The following FA2H variants were observed in gnomAD, a reference collection of about 807,000 sequenced individuals.
FA2H encodes fatty acid alpha-hydroxylase.
Under a neutral mutation model 44.9 loss-of-function variants are expected in FA2H, and 22 were observed. The observed-to-expected ratio is 0.49, with a 90% CI of 0.35 to 0.70. FA2H has a LOEUF of 0.70. FA2H is among the 30% of genes least tolerant of loss of function. The pLI, the probability that FA2H is intolerant of heterozygous loss-of-function variation, is 0.01. For synonymous variants in FA2H, 243 were observed against 213.2 expected (o/e 1.14, Z -1.22); for missense variants, 501 against 504.9 (o/e 0.99, Z 0.07).
intron 1 of FA2H, among the ~76,000 whole-genome samples, chr16:74,766,555 G>T (rs1228619595): frequency 6.6e-6 from 1 of 152,072 alleles, no homozygotes; most frequent in Non-Finnish European, 1.5e-5. Context: ...AGGAAGACCT[G>T]CCCAAGAGAC....
chr16:74,761,191 C>A (rs1167390264), intron 1 of FA2H, among the ~76,000 whole-genome samples: 11 of 152,162 alleles, frequency 7.2e-5, no homozygotes, highest in Admixed American at 7.2e-4. Flanking sequence ...GTGGTTCATG[C>A]CTGTAATCCC....
At chr16:74,742,820 C>G (rs1184193038) in intron 1 of FA2H, among the ~76,000 whole-genome samples, 1 of 152,062 alleles carries the variant, frequency 6.6e-6, no homozygotes, top group Non-Finnish European at 1.5e-5. Flanking sequence ...GCCTGGGCCA[C>G]AGAGTAAGAC....
chr16:74,765,044 C>T (rs776719648), intron 1 of FA2H, among the ~76,000 whole-genome samples: 17 of 152,110 alleles, frequency 1.1e-4, no homozygotes, highest in African/African-American at 3.6e-4. Flanking sequence ...TAACTCTCTC[C>T]GGCTGCAAAG....
At chr16:74,746,206 G>C (rs1567644832) in intron 1 of FA2H, among the ~76,000 whole-genome samples, 1 of 152,042 alleles carries the variant, frequency 6.6e-6, no homozygotes, top group Non-Finnish European at 1.5e-5. Context: ...TTAGGTCCAA[G>C]TCATAGGAGG....
At chr16:74,766,846 C>T (rs1049581365) in intron 1 of FA2H, among the ~76,000 whole-genome samples, 1 of 152,066 alleles carries the variant, frequency 6.6e-6, no homozygotes, top group African/African-American at 2.4e-5. Flanking sequence ...TGCATGATGC[C>T]CATATAAACA....
At chr16:74,730,089 C>T (rs1412012653) in intron 2 of FA2H, among the ~76,000 whole-genome samples, 2 of 152,188 alleles carry the variant, frequency 1.3e-5, no homozygotes, top group Admixed American at 6.5e-5. Context: ...AGCGGGTCTT[C>T]CAGGAACTAG....
rs777043040 is a variant in FA2H at position 74,774,642 on chromosome 16, G to A, written c.114C>T (p.Ser38=). 4 of 1,490,458 alleles carry A rather than the reference G, an allele frequency of 2.7e-6. No homozygotes were observed. In the South Asian group the frequency reaches 3.8e-5, roughly 14 times the overall value. The allele number at this position is 1,490,458 out of a possible 1,614,324, so 92.3% of individuals were successfully genotyped here. ...RRGARLYDLS[S]FVRHHPGGEQ... Reference sequence around the variant, plus strand: ...CGCCCCCCGGGTGGTGCCGCACGAAGCTGGAGAGGTCGTAGAGGCGGGCCC... The same window carrying A: ...CGCCCCCCGGGTGGTGCCGCACGAAACTGGAGAGGTCGTAGAGGCGGGCCC... The change falls in exon 1 of 7, where the codon AGC becomes AGT. Residue 38 remains serine (S), a synonymous_variant. Coordinates refer to ENST00000219368, the MANE Select transcript of FA2H (RefSeq NM_024306.5).
intron 1 of FA2H, among the ~76,000 whole-genome samples, chr16:74,768,045 A>T (rs1962840551): frequency 6.6e-6 from 1 of 152,222 alleles, no homozygotes; most frequent in Non-Finnish European, 1.5e-5. Context: ...TGGGATGCTT[A>T]TCACCTGTCT....
chr16:74,731,345 G>A (rs1427613654), intron 2 of FA2H, among the ~76,000 whole-genome samples: 1 of 143,262 alleles, frequency 7.0e-6, no homozygotes, highest in Non-Finnish European at 1.5e-5. Context: ...ATTTCACCAT[G>A]TTGGCCATGA....
intron 2 of FA2H, 83 bp from the exon 3 acceptor site, chr16:74,727,469 A>G: frequency 7.0e-7 from 1 of 1,433,716 alleles, no homozygotes; most frequent in East Asian, 2.3e-5. Context: ...CAGCATCCCA[A>G]TCCCCTGCTC....
At chr16:74,716,315 T>A (rs201153288) in intron 6 of FA2H, 32 bp downstream of exon 6, 4 of 1,610,276 alleles carry the variant, frequency 2.5e-6, no homozygotes, top group Admixed American at 1.7e-5. Flanking sequence ...TGAACACACA[T>A]AGGGGGCTGG....
chr16:74,766,525 T>G (rs973582408), intron 1 of FA2H, among the ~76,000 whole-genome samples: 2 of 152,052 alleles, frequency 1.3e-5, no homozygotes, highest in African/African-American at 4.8e-5. Context: ...TCAGAAAGGT[T>G]CAGAGACAAT....
chr16:74,717,340 C>T (rs1256391943), intron 5 of FA2H, among the ~76,000 whole-genome samples: 27 of 152,228 alleles, frequency 1.8e-4, no homozygotes, highest in East Asian at 5.8e-4. Context: ...GAGATGCTGG[C>T]GTGGGCCTCC....
intron 4 of FA2H, chr16:74,726,016 GTGT>G (rs1219205312): frequency 3.6e-6 from 2 of 557,378 alleles, no homozygotes; most frequent in East Asian, 6.2e-5. Flanking sequence ...TTCTGCTGAT[GTGT>G]TGTTGGGTTT....
chr16:74,774,715 G>C lies in FA2H; in HGVS notation c.41C>G (p.Ser14Cys). The part of the protein sequence containing the change: ...APPPAASFSP[S>C]EVQRRLAAGA... ...GGCCGCCAGGCGCCGCTGGACCTCG[G>C]AGGGCGAGAAGGAGGCGGCGGGGGG... Residue 14 changes from serine to cysteine, a missense_variant, in exon 1 of 7, where the codon TCC (serine) becomes TGC (cysteine). Transcript: ENST00000219368. 1 of 1,349,464 alleles carries C rather than the reference G, an allele frequency of 7.4e-7. No individual in the cohort carries two copies. Among genetic ancestry groups the C allele is most frequent in the Non-Finnish European group, 9.4e-7 (1 of 1,059,786 alleles). 83.6% of individuals were successfully genotyped at this position (1,349,464 alleles called of 1,614,324 possible).
chr16:74,758,416 G>A (rs576399454), intron 1 of FA2H, among the ~76,000 whole-genome samples: 13 of 151,668 alleles, frequency 8.6e-5, no homozygotes, highest in African/African-American at 2.7e-4. Context: ...CACCGTGCCC[G>A]GCTGGAAACA....
chr16:74,721,409 C>G (rs1961836140), intron 4 of FA2H, among the ~76,000 whole-genome samples: 1 of 152,156 alleles, frequency 6.6e-6, no homozygotes, highest in Non-Finnish European at 1.5e-5. Flanking sequence ...CTCAAATGAT[C>G]CACCCACCTT....
At position 74,764,635 on chromosome 16, in the gene FA2H, C is replaced by G. The variant is rs566234180; in HGVS notation, c.270+9851G>C. Among the ~76,000 whole-genome samples, 23 of 152,130 alleles carry G rather than the reference C, an allele frequency of 1.5e-4. No homozygotes were observed. In the South Asian group the frequency reaches 4.6e-3, roughly 30 times the overall value. On this transcript the variant is annotated intron_variant, in intron 1 of 6. Transcript: ENST00000219368. ...AACTAATGGGTACTAGACTTAACAC[C>G]TGGGTGACAAAATAATCTGTACTAC...
chr16:74,735,699 T>C (rs1328860121), intron 2 of FA2H, among the ~76,000 whole-genome samples: 7 of 152,112 alleles, frequency 4.6e-5, no homozygotes, highest in Non-Finnish European at 8.8e-5. Flanking sequence ...CAGATAATCC[T>C]ACGCAATAAT....
Sources: allele counts gnomAD v4.1 joint callset (sites outside exome capture counted in the v4.1 genomes callset), GRCh38; gene constraint gnomAD v4.1.1; transcripts MANE v1.5; gene names NCBI Gene and HGNC (gene_info 2026-07-23, HGNC 2026-07-21).